Variants in SDK2 observed in about 807,000 individuals in gnomAD.
SDK2 encodes sidekick cell adhesion molecule 2.
Under a neutral mutation model 253.9 loss-of-function variants are expected in SDK2, and 105 were observed. The ratio of observed to expected loss-of-function variants is 0.41; its 90% CI spans 0.35 to 0.49. The LOEUF (loss-of-function observed/expected upper bound fraction) is 0.49, where lower values mean the gene tolerates loss of function less well. Among genes scored for constraint, SDK2 ranks in the 20% least tolerant of loss-of-function variants. The pLI, the probability that SDK2 is intolerant of heterozygous loss-of-function variation, is 0.06. For missense variants in SDK2, 2,608 were observed against 3,003.0 expected, an observed-to-expected ratio of 0.87 and a Z score of 3.07; for synonymous variants, 1,249 against 1,234.9, an observed-to-expected ratio of 1.01 and a Z score of -0.24.
chr17:73,431,759 C>T lies in SDK2; in HGVS notation c.1313-90G>A. 7.5e-7 allele frequency: 1 copy of T among 1,332,328 alleles called. No individual in the cohort carries two copies. The highest frequency in any genetic ancestry group is 1.5e-5 in the South Asian group (1 of 66,218). 82.5% of individuals were successfully genotyped at this position (1,332,328 alleles called of 1,614,324 possible). ...CCGCTCCAGGGCAGCATGGTCCCCC[C>T]ACAGGCCCCTGGCTCTGGAAATGCT... On this transcript the variant is annotated intron_variant, in intron 10 of 44. Coordinates refer to ENST00000392650, the MANE Select transcript of SDK2 (RefSeq NM_001144952.2). The surrounding 1 kb of genome is among the most constrained non-coding windows in gnomAD (Gnocchi z 5.6).
rs756351676 is a variant in SDK2, at chr17:73,435,646, T to TGTGGGCAAGAC, written c.1001-13_1001-3dup. The TGTGGGCAAGAC allele has an allele frequency of 1.3e-6, 2 of 1,551,610 alleles. No individual in the cohort carries two copies. Among genetic ancestry groups the TGTGGGCAAGAC allele is most frequent in the South Asian group, 2.4e-5 (2 of 84,160 alleles). On this transcript the variant is annotated splice_region_variant and splice_polypyrimidine_tract_variant and intron_variant, in intron 8 of 44. Transcript: ENST00000392650. The surrounding 1 kb of genome is among the most constrained non-coding windows in gnomAD (Gnocchi z 5.7). Reference sequence around the variant, plus strand: ...AGGTGATGGAGGGCGGCGGCACACCTGTGGGCAAGACGTGGGCCCACCGTC... The same window carrying TGTGGGCAAGAC: ...AGGTGATGGAGGGCGGCGGCACACCTGTGGGCAAGACGTGGGCAAGACGTGGGCCCACCGTC...
At chr17:73,595,174 C>G (rs11654325) in intron 1 of SDK2, among the ~76,000 whole-genome samples, 27,824 of 151,850 alleles carry the variant, frequency 0.18, 2,736 homozygotes, top group African/African-American at 0.2. Flanking sequence ...GAAGGGGTGT[C>G]AGTGAGAATT....
intron 1 of SDK2, among the ~76,000 whole-genome samples, chr17:73,622,392 G>T (rs2046144033): frequency 6.6e-6 from 1 of 152,244 alleles, no homozygotes. Flanking sequence ...TCCTCCCTCT[G>T]TGAGTCCCTC....
chr17:73,425,237 C>T (rs950545369), intron 12 of SDK2, among the ~76,000 whole-genome samples: 3 of 151,732 alleles, frequency 2.0e-5, no homozygotes, highest in African/African-American at 4.8e-5. Flanking sequence ...CACAAAAAGC[C>T]CCCCCAAAAA....
chr17:73,563,497 C>T lies in SDK2; in HGVS notation c.65-55900G>A, dbSNP rs143949050. Among the ~76,000 whole-genome samples the T allele has an allele frequency of 5.0e-3, 768 of 152,142 alleles. 3 individuals are homozygous for T. Among genetic ancestry groups the T allele is most frequent in the African/African-American group, 0.017 (714 of 41,498 alleles). ...GAAGGCTGAATGTGGGAGGATTGCA[C>T]GAGCCCAGGAGTTTGAGGCTGCAGT... On this transcript the variant is annotated intron_variant, in intron 1 of 44. Coordinates refer to ENST00000392650, the MANE Select transcript of SDK2 (RefSeq NM_001144952.2).
At chr17:73,626,737 T>C (rs2046207110) in intron 1 of SDK2, among the ~76,000 whole-genome samples, 1 of 152,130 alleles carries the variant, frequency 6.6e-6, no homozygotes, top group African/African-American at 2.4e-5. Flanking sequence ...GCCCAGCACA[T>C]TCTAGGAAGA....
In SDK2 at chr17:73,618,535, A is replaced by G. The variant is rs2087384296; in HGVS notation, c.64+25490T>C. Among the ~76,000 whole-genome samples, 1 of 152,250 alleles carries G rather than the reference A, an allele frequency of 6.6e-6. No individual in the cohort carries two copies. The highest frequency in any genetic ancestry group is 2.4e-5 in the African/African-American group (1 of 41,472). ...AAAAAACCTACTGTATGCCCAGGACAGTGTGAGAAATGAGAGAGGAAAAAG... is the reference window on the plus strand; with the variant it reads ...AAAAAACCTACTGTATGCCCAGGACGGTGTGAGAAATGAGAGAGGAAAAAG... On this transcript the variant is annotated intron_variant, in intron 1 of 44. Coordinates refer to ENST00000392650, the MANE Select transcript of SDK2 (RefSeq NM_001144952.2). This position sits in a 1 kb window ranked among gnomAD's most constrained non-coding sequence, Gnocchi z 4.1.
rs528222533 is a variant in SDK2, at chr17:73,361,456, C to T, written c.5467+228G>A. On this transcript the variant is annotated intron_variant, in intron 39 of 44. Coordinates refer to ENST00000392650, the MANE Select transcript of SDK2 (RefSeq NM_001144952.2). This position sits in a 1 kb window ranked among gnomAD's most constrained non-coding sequence, Gnocchi z 4.1. ...TGGGCCTAAGTGGGAGAGGAGGGGG[C>T]GCTGCTCCAGGGTTTGTGGCTTGAG... Among the ~76,000 whole-genome samples, 3 of 152,196 alleles carry T rather than the reference C, an allele frequency of 2.0e-5. No homozygotes were observed. The highest frequency in any genetic ancestry group is 2.4e-5 in the African/African-American group (1 of 41,546).
Position 73,390,439 on chromosome 17 carries a change from G to C in SDK2, c.4040C>G (p.Thr1347Ser). Residue 1347 changes from threonine (T) to serine (S), a missense_variant, in exon 29 of 45, where the codon ACC becomes AGC. Thr to Ser is a moderately conservative substitution (Grantham distance 58). Coordinates refer to ENST00000392650, the MANE Select transcript of SDK2 (RefSeq NM_001144952.2). ...GGGTGCCAGCACCTCCACAGTGGCG[G>C]TGTTGGCCGTGGTGGTGTTGAGCCG... ...THRLNTTTAN[T>S]ATVEVLAPSA... 8.7e-6 allele frequency: 14 copies of C among 1,612,646 alleles called. No individual in the cohort carries two copies. The highest frequency in any genetic ancestry group is 1.2e-5 in the Non-Finnish European group (14 of 1,179,338).
chr17:73,407,467 A>C (rs991953956), intron 18 of SDK2, among the ~76,000 whole-genome samples: 2 of 152,130 alleles, frequency 1.3e-5, no homozygotes, highest in Admixed American at 1.3e-4. Context: ...AAAACAAAAC[A>C]AAAAAAATCC....
intron 1 of SDK2, among the ~76,000 whole-genome samples, chr17:73,604,986 C>T (rs913131633): frequency 5.3e-5 from 8 of 152,138 alleles, no homozygotes; most frequent in African/African-American, 1.9e-4. Flanking sequence ...AGAGAGGCAA[C>T]CCCAGAAGGC....
chr17:73,436,736 C>T (rs565529334), intron 8 of SDK2, among the ~76,000 whole-genome samples: 4 of 152,046 alleles, frequency 2.6e-5, no homozygotes, highest in Non-Finnish European at 4.4e-5. Flanking sequence ...TCATCCAATC[C>T]ACCATGCGCT....
intron 1 of SDK2, among the ~76,000 whole-genome samples, chr17:73,514,522 C>T (rs188752415): frequency 1.7e-3 from 261 of 152,230 alleles, no homozygotes; most frequent in Middle Eastern, 0.01. Flanking sequence ...CCCTGGGAAC[C>T]GCACCTCCTG....
Position 73,338,804 on chromosome 17 carries a change from C to T in SDK2, c.6302G>A (p.Ser2101Asn), listed in dbSNP as rs1245283370. ...CTCACCCGAGTCGCTCTCCGTGTAG[C>T]TGTAGGCCTGTGCCCTCGAGATGCC... ...QKGISRAQAY[S>N]YTESDSGEPD... Residue 2101 changes from serine (S) to asparagine (N), a missense_variant, in exon 45 of 45, where the codon AGC becomes AAC. Around this residue, in one of 2 missense-constraint regions of SDK2, gnomAD observed 1,103 missense variants for 1,143.9 expected, o/e 0.96. Transcript: ENST00000392650. The surrounding 1 kb of genome is among the most constrained non-coding windows in gnomAD (Gnocchi z 5.0). The T allele has an allele frequency of 1.2e-6, 2 of 1,613,978 alleles. No individual in the cohort carries two copies. The highest frequency in any genetic ancestry group is 1.7e-6 in the Non-Finnish European group (2 of 1,179,896).
intron 1 of SDK2, among the ~76,000 whole-genome samples, chr17:73,547,463 G>T (rs1294721343): frequency 6.6e-6 from 1 of 152,228 alleles, no homozygotes; most frequent in East Asian, 1.9e-4. Context: ...TCTCTGTGCT[G>T]CATGTACGTT....
Position 73,423,660 on chromosome 17 carries a change from C to G in SDK2, c.1761-138G>C, listed in dbSNP as rs1019402036. ...ACGTAAAATGTGGCCTTCGGGCCAT[C>G]TACCTGGAGATTTTTCTCTCTGGAA... On this transcript the variant is annotated intron_variant, in intron 13 of 44. Transcript: ENST00000392650. 13 of 1,082,856 alleles carry G rather than the reference C, an allele frequency of 1.2e-5. No individual in the cohort carries two copies. In the Admixed American group the frequency reaches 2.6e-4, roughly 22 times the overall value. 67.1% of individuals were successfully genotyped at this position (1,082,856 alleles called of 1,614,324 possible).
intron 2 of SDK2, among the ~76,000 whole-genome samples, chr17:73,476,468 T>C (rs1207236122): frequency 6.6e-6 from 1 of 152,220 alleles, no homozygotes; most frequent in Non-Finnish European, 1.5e-5. Context: ...TGCTTTTATT[T>C]TAAAAGTAAA....
At chr17:73,459,086 C>T (rs1042943091) in intron 3 of SDK2, among the ~76,000 whole-genome samples, 3 of 152,142 alleles carry the variant, frequency 2.0e-5, no homozygotes, top group African/African-American at 7.2e-5. Flanking sequence ...TAAGCTCAAA[C>T]CCCTGGAGCC....
At chr17:73,575,625 C>T (rs1157868545) in intron 1 of SDK2, among the ~76,000 whole-genome samples, 1 of 152,206 alleles carries the variant, frequency 6.6e-6, no homozygotes, top group East Asian at 1.9e-4. Flanking sequence ...AGGTGGTGAT[C>T]AGGATTAAAC....
Sources: allele counts gnomAD v4.1 joint callset (sites outside exome capture counted in the v4.1 genomes callset), GRCh38; gene constraint gnomAD v4.1.1; regional missense constraint gnomAD v4.1.1; non-coding constraint Gnocchi (gnomAD v3.1); transcripts MANE v1.5; gene names NCBI Gene and HGNC (gene_info 2026-07-23, HGNC 2026-07-21).